The following CACNA1E variants were observed in gnomAD, a reference collection of about 807,000 sequenced individuals.
CACNA1E encodes the protein calcium voltage-gated channel subunit alpha1 E.
In CACNA1E, 40 loss-of-function variants were observed where a neutral mutation model predicts 259.2. The observed-to-expected ratio is 0.15, with a 90% CI of 0.12 to 0.20. The LOEUF (loss-of-function observed/expected upper bound fraction) is 0.20. Among genes scored for constraint, CACNA1E ranks in the 10% least tolerant of loss-of-function variants. The pLI, the probability that CACNA1E is intolerant of heterozygous loss-of-function variation, is 1.00. For synonymous variants in CACNA1E, 1,104 were observed against 1,138.5 expected, an observed-to-expected ratio of 0.97 and a Z score of 0.61; for missense variants, 1,874 against 3,040.1, an observed-to-expected ratio of 0.62 and a Z score of 9.02.
intron 1 of CACNA1E, among the ~76,000 whole-genome samples, chr1:181,391,876 C>T (rs1210406211): frequency 2.0e-5 from 3 of 152,022 alleles, no homozygotes; most frequent in Admixed American, 1.3e-4. Context: ...GTCTGCCACT[C>T]CAGATCTTCT....
chr1:181,581,982 A>G (rs576213144), intron 6 of CACNA1E, among the ~76,000 whole-genome samples: 3 of 152,304 alleles, frequency 2.0e-5, no homozygotes, highest in Admixed American at 6.5e-5. Flanking sequence ...CTTTGGATAT[A>G]ATTTACACTG....
chr1:181,702,296 G>T (rs1652349129), intron 7 of CACNA1E, among the ~76,000 whole-genome samples: 1 of 152,006 alleles, frequency 6.6e-6, no homozygotes, highest in South Asian at 2.1e-4. Context: ...CCTCCTAGCT[G>T]TGTCTTCACA....
At chr1:181,685,446 A>G (rs760500817) in intron 7 of CACNA1E, among the ~76,000 whole-genome samples, 1 of 152,086 alleles carries the variant, frequency 6.6e-6, no homozygotes, top group Non-Finnish European at 1.5e-5. Flanking sequence ...TAACAGTTTC[A>G]TTGCACAATC....
intron 2 of CACNA1E, among the ~76,000 whole-genome samples, chr1:181,475,005 C>T (rs1321944603): frequency 6.6e-6 from 1 of 152,128 alleles, no homozygotes; most frequent in African/African-American, 2.4e-5. Context: ...GTCCACTCAA[C>T]TCACAAGAAA....
intron 3 of CACNA1E, among the ~76,000 whole-genome samples, chr1:181,520,726 A>G (rs1323821668): frequency 6.6e-6 from 1 of 152,270 alleles, no homozygotes; most frequent in Non-Finnish European, 1.5e-5. Flanking sequence ...ATCCTGCTAC[A>G]GTCATTACCC....
chr1:181,377,031 T>C (rs1655146474), intron 1 of CACNA1E, among the ~76,000 whole-genome samples: 1 of 152,222 alleles, frequency 6.6e-6, no homozygotes, highest in Non-Finnish European at 1.5e-5. Flanking sequence ...GCTAGTTTTA[T>C]GAGTCAAATT....
exon 1 of CACNA1E, chr1:181,317,898 T>G (rs1424526013): frequency 6.6e-6 from 1 of 151,966 alleles, no homozygotes; most frequent in African/African-American, 2.4e-5. Context: ...CTCTTCTCTT[T>G]TATTTATTTT....
At chr1:181,754,892 T>C (rs1657948188) in intron 27 of CACNA1E, among the ~76,000 whole-genome samples, 1 of 152,262 alleles carries the variant, frequency 6.6e-6, no homozygotes, top group African/African-American at 2.4e-5. Context: ...CAAATATTCC[T>C]TCCAGCTATA....
At chr1:181,781,037 A>G (rs1340761319) in intron 38 of CACNA1E, among the ~76,000 whole-genome samples, 1 of 152,118 alleles carries the variant, frequency 6.6e-6, no homozygotes, top group Non-Finnish European at 1.5e-5. Flanking sequence ...GCTGTGTTGT[A>G]TTGGGGAGGG....
intron 6 of CACNA1E, among the ~76,000 whole-genome samples, chr1:181,649,198 C>G (rs1294474089): frequency 6.6e-6 from 1 of 152,172 alleles, no homozygotes; most frequent in Non-Finnish European, 1.5e-5. Flanking sequence ...GAGGTCTGGC[C>G]CACATCTTCC....
chr1:181,739,033 TA>T, intron 24 of CACNA1E, 113 bp from the exon 25 acceptor site: 1 of 757,166 alleles, frequency 1.3e-6, no homozygotes. Flanking sequence ...GGTCCTAGCA[TA>T]GGGTTGGTTG....
At chr1:181,441,416 C>T (rs1660467257) in intron 2 of CACNA1E, among the ~76,000 whole-genome samples, 1 of 152,238 alleles carries the variant, frequency 6.6e-6, no homozygotes, top group Admixed American at 6.5e-5. Flanking sequence ...TCCCAAAGTG[C>T]TGGGATTACA....
At chr1:181,380,802 A>T (rs1020445465) in intron 1 of CACNA1E, among the ~76,000 whole-genome samples, 7 of 152,244 alleles carry the variant, frequency 4.6e-5, no homozygotes, top group Non-Finnish European at 5.9e-5. Context: ...GTTTAAAAAA[A>T]AATTAAACAT....
chr1:181,693,147 A>C (rs1053233470), intron 7 of CACNA1E, among the ~76,000 whole-genome samples: 57 of 149,224 alleles, frequency 3.8e-4, no homozygotes, highest in Admixed American at 1.8e-3. Flanking sequence ...AAAAAAAAAA[A>C]AAACAACAGA....
rs1018097223 is a variant in CACNA1E at position 181,336,985 on chromosome 1, T to A, written c.-15+18862T>A. Among the ~76,000 whole-genome samples the A allele has an allele frequency of 3.3e-4, 49 of 148,862 alleles. 1 individual carries two copies. Among genetic ancestry groups the A allele is most frequent in the Admixed American group, 2.2e-3 (33 of 14,882 alleles). On this transcript the variant is annotated intron_variant, in intron 1 of 11. Coordinates refer to the CACNA1E transcript ENST00000524607. ...AAATTAAAATATATAATATAGATATTTATATATCTATATTTATTTTAATTT... is the reference window on the plus strand; with the variant it reads ...AAATTAAAATATATAATATAGATATATATATATCTATATTTATTTTAATTT...
chr1:181,623,207 TG>T (rs1655882815), intron 6 of CACNA1E, among the ~76,000 whole-genome samples: 1 of 152,210 alleles, frequency 6.6e-6, no homozygotes, highest in Non-Finnish European at 1.5e-5. Context: ...TGGCCCACAA[TG>T]GTAAACCCCT....
intron 1 of CACNA1E, among the ~76,000 whole-genome samples, chr1:181,401,422 G>A (rs1450198999): frequency 6.6e-6 from 1 of 152,112 alleles, no homozygotes; most frequent in Non-Finnish European, 1.5e-5. Flanking sequence ...GTTAGAATCT[G>A]TTTATTTTTC....
chr1:181,588,216 G>A (rs566862510), intron 6 of CACNA1E, among the ~76,000 whole-genome samples: 57 of 152,344 alleles, frequency 3.7e-4, no homozygotes, highest in Non-Finnish European at 4.3e-4. Context: ...AAACCCACCA[G>A]GCCCGCCCAC....
intron 3 of CACNA1E, among the ~76,000 whole-genome samples, chr1:181,516,492 C>A (rs1026723057): frequency 1.3e-5 from 2 of 151,996 alleles, no homozygotes; most frequent in African/African-American, 4.8e-5. Flanking sequence ...TTTAACTTGT[C>A]CAAATCCAAA....
Sources: gnomAD v4.1 joint callset for allele counts (sites outside exome capture counted in the v4.1 genomes callset) on GRCh38, gnomAD v4.1.1 for gene constraint, MANE v1.5 for transcripts, NCBI Gene and HGNC (gene_info 2026-07-23, HGNC 2026-07-21) for gene names.